Variants in RARB observed in about 807,000 individuals in gnomAD.
RARB encodes the protein HBV-activated protein.
RARB carries 17 observed loss-of-function variants against 51.9 expected under a neutral mutation model. The observed-to-expected ratio is 0.33, with a 90% CI of 0.22 to 0.49. RARB has a LOEUF of 0.49. Among genes scored for constraint, RARB ranks in the 20% least tolerant of loss-of-function variants. RARB has a pLI of 0.99. For missense variants in RARB, 369 were observed against 550.8 expected, an observed-to-expected ratio of 0.67 and a Z score of 3.30; for synonymous variants, 215 against 195.4, an observed-to-expected ratio of 1.10 and a Z score of -0.84.
At chr3:25,373,827 T>C (rs1471338274) in intron 5 of RARB, among the ~76,000 whole-genome samples, 2 of 152,152 alleles carry the variant, frequency 1.3e-5, no homozygotes, top group Non-Finnish European at 2.9e-5. Flanking sequence ...TTTGTCTTTG[T>C]CTTGGCTGAT....
At chr3:25,241,497 G>A (rs1702429935) in intron 5 of RARB, among the ~76,000 whole-genome samples, 1 of 152,066 alleles carries the variant, frequency 6.6e-6, no homozygotes. Context: ...GCCCGGGTGT[G>A]ATGTTCCCCT....
intron 5 of RARB, among the ~76,000 whole-genome samples, chr3:25,421,246 C>T (rs916956672): frequency 1.5e-4 from 23 of 151,918 alleles, no homozygotes; most frequent in African/African-American, 4.6e-4. Context: ...GCAGCCCCTA[C>T]CCCCTCCACC....
intron 2 of RARB, among the ~76,000 whole-genome samples, chr3:24,991,811 C>A (rs1278820119): frequency 6.6e-6 from 1 of 150,784 alleles, no homozygotes; most frequent in Non-Finnish European, 1.5e-5. Context: ...AATGTAATCT[C>A]TGATACCACG....
intron 2 of RARB, among the ~76,000 whole-genome samples, chr3:24,999,415 G>T (rs1697110880): frequency 6.6e-6 from 1 of 152,114 alleles, no homozygotes; most frequent in Non-Finnish European, 1.5e-5. Context: ...AGACATTTGG[G>T]ACAGCAATGA....
intron 2 of RARB, among the ~76,000 whole-genome samples, chr3:25,468,911 A>C (rs537786151): frequency 6.6e-6 from 1 of 152,214 alleles, no homozygotes; most frequent in Non-Finnish European, 1.5e-5. Flanking sequence ...GCCACAATCC[A>C]GCCTGTCCTG....
At chr3:25,017,571 A>T (rs1697540840) in intron 2 of RARB, among the ~76,000 whole-genome samples, 1 of 152,160 alleles carries the variant, frequency 6.6e-6, no homozygotes, top group Non-Finnish European at 1.5e-5. Flanking sequence ...TGTTTGATTG[A>T]TCAAATACCT....
At chr3:25,398,895 A>G (rs989992206) in intron 5 of RARB, among the ~76,000 whole-genome samples, 2 of 152,160 alleles carry the variant, frequency 1.3e-5, no homozygotes, top group Non-Finnish European at 2.9e-5. Flanking sequence ...AAATTCATAT[A>G]CCTATGTAAT....
At chr3:25,163,998 A>G (rs1186709790) in intron 4 of RARB, among the ~76,000 whole-genome samples, 1 of 152,168 alleles carries the variant, frequency 6.6e-6, no homozygotes, top group African/African-American at 2.4e-5. Context: ...AGAGCTTGGT[A>G]TGGTGGACAA....
At chr3:25,428,179 T>G, upstream of RARB, 1 of 1,162,368 alleles carries the variant, frequency 8.6e-7, no homozygotes, top group Non-Finnish European at 1.1e-6. Context: ...TCAGACTAGT[T>G]GGGTCATTTG....
At position 25,326,580 on chromosome 3, in the gene RARB, T is replaced by G. The variant is rs182729071; in HGVS notation, c.179-134613T>G. Among the ~76,000 whole-genome samples the G allele has an allele frequency of 1.7e-3, 266 of 152,326 alleles. 1 individual carries two copies. Among genetic ancestry groups the G allele is most frequent in the African/African-American group, 5.9e-3 (245 of 41,564 alleles). On this transcript the variant is annotated intron_variant, in intron 5 of 11. Transcript: ENST00000383772. ...TAAATTAAATAACTTCTTTTCATGA[T>G]TTACACCTTAAAAGTCCAACTGTTT...
intron 3 of RARB, among the ~76,000 whole-genome samples, chr3:25,557,020 C>A (rs1270785415): frequency 6.6e-6 from 1 of 152,188 alleles, no homozygotes; most frequent in African/African-American, 2.4e-5. Context: ...CAACAAATTA[C>A]ATGGAACCAT....
At chr3:24,916,554 T>C (rs188485302) in intron 2 of RARB, among the ~76,000 whole-genome samples, 10 of 152,288 alleles carry the variant, frequency 6.6e-5, no homozygotes, top group Admixed American at 4.6e-4. Context: ...ATACCTGTGA[T>C]GTCTGATGTG....
intron 3 of RARB, among the ~76,000 whole-genome samples, chr3:25,071,805 C>T (rs1383499502): frequency 6.6e-6 from 1 of 152,116 alleles, no homozygotes; most frequent in Non-Finnish European, 1.5e-5. Flanking sequence ...AGTAGTAGGA[C>T]AGTTGAACAT....
intron 2 of RARB, among the ~76,000 whole-genome samples, chr3:24,983,638 A>C: frequency 6.6e-6 from 1 of 151,996 alleles, no homozygotes; most frequent in East Asian, 1.9e-4. Flanking sequence ...TTATCTTACT[A>C]CTAGAGAACT....
At chr3:25,357,699 G>A (rs1156386981) in intron 5 of RARB, among the ~76,000 whole-genome samples, 1 of 152,200 alleles carries the variant, frequency 6.6e-6, no homozygotes. Flanking sequence ...TAAGGTGTAA[G>A]GAAGGGGTGC....
chr3:24,972,909 TTC>T (rs1696432356), intron 2 of RARB, among the ~76,000 whole-genome samples: 2 of 152,112 alleles, frequency 1.3e-5, no homozygotes, highest in Admixed American at 1.3e-4. Flanking sequence ...TGCAAATATT[TTC>T]TCTCATTCAA....
At chr3:25,406,801 A>T (rs1346854557) in intron 5 of RARB, among the ~76,000 whole-genome samples, 1 of 152,220 alleles carries the variant, frequency 6.6e-6, no homozygotes, top group African/African-American at 2.4e-5. Flanking sequence ...GGCCACAGCC[A>T]CTACCATCAC....
At chr3:24,859,198 G>C (rs770402455) in intron 2 of RARB, among the ~76,000 whole-genome samples, 1 of 152,068 alleles carries the variant, frequency 6.6e-6, no homozygotes, top group African/African-American at 2.4e-5. Flanking sequence ...CAGGAAGAGC[G>C]GAGAGAAAAG....
At chr3:25,208,650 A>C (rs1381696798) in intron 5 of RARB, among the ~76,000 whole-genome samples, 1 of 151,816 alleles carries the variant, frequency 6.6e-6, no homozygotes, top group South Asian at 2.1e-4. Flanking sequence ...TGCACCATAC[A>C]TTTGGCCCAG....
Sources: gnomAD v4.1 joint callset for allele counts (sites outside exome capture counted in the v4.1 genomes callset) on GRCh38, gnomAD v4.1.1 for gene constraint, MANE v1.5 for transcripts, NCBI Gene and HGNC (gene_info 2026-07-23, HGNC 2026-07-21) for gene names.